The following NELL1 variants were observed in gnomAD, a reference collection of about 807,000 sequenced individuals.
The protein encoded by NELL1 is protein kinase C-binding protein NELL1.
A neutral mutation model predicts 107.4 loss-of-function variants in NELL1; 76 were observed. The ratio of observed to expected loss-of-function variants is 0.71; its 90% confidence interval spans 0.59 to 0.86. NELL1 has a LOEUF of 0.86. NELL1 is among the 40% of genes least tolerant of loss of function. The pLI is 0.00. For missense variants in NELL1, 1,024 were observed against 1,005.5 expected (o/e 1.02, Z -0.25); for synonymous variants, 353 against 341.2 (o/e 1.03, Z -0.38).
intron 12 of NELL1, among the ~76,000 whole-genome samples, chr11:21,063,090 C>CG (rs1321744908): frequency 2.0e-5 from 3 of 151,876 alleles, no homozygotes; most frequent in Non-Finnish European, 4.4e-5. Context: ...TCCAGTGATC[C>CG]CCCTGCCTCA....
intron 15 of NELL1, among the ~76,000 whole-genome samples, chr11:21,447,472 G>A (rs1853462139): frequency 6.6e-6 from 1 of 152,144 alleles, no homozygotes. Context: ...AGGGCCATGG[G>A]CTCTTAAATC....
intron 14 of NELL1, among the ~76,000 whole-genome samples, chr11:21,326,919 G>GT (rs938410494): frequency 3.3e-5 from 5 of 151,796 alleles, no homozygotes; most frequent in Non-Finnish European, 5.9e-5. Flanking sequence ...TTTACTTTTT[G>GT]TTTTCTACGT....
chr11:21,375,114 A>T (rs187386648), intron 15 of NELL1, among the ~76,000 whole-genome samples: 60 of 152,190 alleles, frequency 3.9e-4, no homozygotes, highest in Admixed American at 3.7e-3. Flanking sequence ...ATACTGCATG[A>T]TGCAATAAAA....
intron 15 of NELL1, among the ~76,000 whole-genome samples, chr11:21,435,638 A>G (rs970300031): frequency 1.3e-5 from 2 of 151,990 alleles, no homozygotes; most frequent in Non-Finnish European, 2.9e-5. Flanking sequence ...ATTGATTTGC[A>G]TAAGTTGAAC....
At chr11:21,521,307 C>T (rs1290720494) in intron 15 of NELL1, among the ~76,000 whole-genome samples, 1 of 152,010 alleles carries the variant, frequency 6.6e-6, no homozygotes, top group African/African-American at 2.4e-5. Context: ...TTCTAAATAT[C>T]GTATTTTGAT....
In NELL1 at chr11:21,312,704, C is replaced by T. The variant is rs111592326; in HGVS notation, c.1550-58149C>T. Among the ~76,000 whole-genome samples the T allele has an allele frequency of 7.5e-3, 1,148 of 152,164 alleles. 15 individuals are homozygous for T. Among genetic ancestry groups the T allele is most frequent in the African/African-American group, 0.026 (1,097 of 41,530 alleles). The stretch of plus-strand genomic sequence containing the variant: ...CACAAGTACATGTTCTTGCCCAGTA[C>T]ACAGAATTGCCACAACTACACATAC... On this transcript the variant is annotated intron_variant, in intron 14 of 19. Transcript: ENST00000357134.
intron 14 of NELL1, among the ~76,000 whole-genome samples, chr11:21,269,897 T>C (rs1185954548): frequency 6.6e-6 from 1 of 152,116 alleles, no homozygotes; most frequent in African/African-American, 2.4e-5. Flanking sequence ...ACAGCAATGA[T>C]ACAGTGATGG....
chr11:20,951,371 T>A (rs1249196673), intron 11 of NELL1, among the ~76,000 whole-genome samples: 1 of 152,196 alleles, frequency 6.6e-6, no homozygotes, highest in African/African-American at 2.4e-5. Flanking sequence ...AATTATTGAC[T>A]AATCAAGATG....
chr11:21,539,400 C>T (rs191158447), intron 16 of NELL1, among the ~76,000 whole-genome samples: 3 of 151,938 alleles, frequency 2.0e-5, no homozygotes, highest in African/African-American at 4.8e-5. Flanking sequence ...GCCAGTGTGA[C>T]GGCTTTCTGT....
chr11:20,901,105 C>T (rs1001049273), intron 5 of NELL1, among the ~76,000 whole-genome samples: 1 of 152,036 alleles, frequency 6.6e-6, no homozygotes, highest in Non-Finnish European at 1.5e-5. Context: ...CAACATTGTA[C>T]TGGAGGTTCT....
At chr11:21,298,931 A>G (rs1009537061) in intron 14 of NELL1, among the ~76,000 whole-genome samples, 2 of 151,908 alleles carry the variant, frequency 1.3e-5, no homozygotes, top group Non-Finnish European at 2.9e-5. Flanking sequence ...CTGTGAGGCT[A>G]TTTTGTATTT....
chr11:20,733,879 T>C (rs1156670258), intron 2 of NELL1, among the ~76,000 whole-genome samples: 1 of 152,224 alleles, frequency 6.6e-6, no homozygotes, highest in Non-Finnish European at 1.5e-5. Context: ...TCATGGACTT[T>C]GCATTCTAGC....
chr11:20,929,455 T>C (rs531624347), intron 9 of NELL1, among the ~76,000 whole-genome samples: 32 of 151,726 alleles, frequency 2.1e-4, no homozygotes, highest in South Asian at 8.4e-4. Context: ...TTTTTTATGG[T>C]TGGCACACTG....
At chr11:21,466,189 C>T (rs1431175407) in intron 15 of NELL1, among the ~76,000 whole-genome samples, 1 of 152,120 alleles carries the variant, frequency 6.6e-6, no homozygotes, top group Non-Finnish European at 1.5e-5. Context: ...TTTTTCCTTC[C>T]AGCACAATGC....
At chr11:20,829,420 G>A (rs1283397404) in intron 3 of NELL1, among the ~76,000 whole-genome samples, 1 of 151,772 alleles carries the variant, frequency 6.6e-6, no homozygotes, top group Non-Finnish European at 1.5e-5. Context: ...TAGAGAAGAG[G>A]TTTCACTATC....
chr11:20,933,267 G>A (rs773224987), intron 9 of NELL1, among the ~76,000 whole-genome samples: 4 of 152,224 alleles, frequency 2.6e-5, no homozygotes, highest in Non-Finnish European at 5.9e-5. Context: ...AGCCAAAGGA[G>A]CTGGCACATT....
intron 13 of NELL1, among the ~76,000 whole-genome samples, chr11:21,194,480 G>T (rs1279673799): frequency 6.6e-6 from 1 of 152,064 alleles, no homozygotes. Context: ...TAGTTGATCT[G>T]GTCTGGTCTA....
At chr11:21,363,084 A>G (rs1851122653) in intron 14 of NELL1, among the ~76,000 whole-genome samples, 1 of 152,226 alleles carries the variant, frequency 6.6e-6, no homozygotes, top group African/African-American at 2.4e-5. Flanking sequence ...CTATCTACAG[A>G]TGCTCCCACA....
intron 10 of NELL1, among the ~76,000 whole-genome samples, chr11:20,946,084 A>T (rs1199447417): frequency 6.6e-6 from 1 of 152,208 alleles, no homozygotes. Context: ...TGACATATAC[A>T]ATTATGTTAC....
Sources: allele counts gnomAD v4.1 joint callset (sites outside exome capture counted in the v4.1 genomes callset), GRCh38; gene constraint gnomAD v4.1.1; transcripts MANE v1.5; gene names NCBI Gene and HGNC (gene_info 2026-07-23, HGNC 2026-07-21).